The following MLLT10 variants were observed in gnomAD, a reference collection of about 807,000 sequenced individuals.
MLLT10 encodes MLLT10 histone lysine methyltransferase DOT1L cofactor, also known as protein AF-10.
MLLT10 carries 30 observed loss-of-function variants against 129.1 expected under a neutral mutation model. The ratio of observed to expected loss-of-function variants is 0.23; its 90% confidence interval spans 0.17 to 0.32. MLLT10 has a LOEUF of 0.32. Among genes scored for constraint, MLLT10 ranks in the 10% least tolerant of loss-of-function variants. MLLT10 has a pLI of 1.00. For missense variants in MLLT10, 1,119 were observed against 1,268.3 expected, an observed-to-expected ratio of 0.88 and a Z score of 1.79; for synonymous variants, 490 against 446.4, an observed-to-expected ratio of 1.10 and a Z score of -1.23.
chr10:21,644,943 A>G (rs1378071897), intron 8 of MLLT10, among the ~76,000 whole-genome samples: 1 of 152,102 alleles, frequency 6.6e-6, no homozygotes, highest in Admixed American at 6.6e-5. Flanking sequence ...CTAGGATTTT[A>G]TGTAGTTAGT....
chr10:21,700,843 T>C (rs943284292), intron 13 of MLLT10, among the ~76,000 whole-genome samples: 3 of 152,172 alleles, frequency 2.0e-5, no homozygotes, highest in Non-Finnish European at 2.9e-5. Flanking sequence ...CAGGGCCTTG[T>C]AGAATGAGTT....
At chr10:21,726,046 C>T (rs185621748) in intron 14 of MLLT10, among the ~76,000 whole-genome samples, 198 bp from the exon 15 acceptor site, 32 of 152,156 alleles carry the variant, frequency 2.1e-4, no homozygotes, top group Admixed American at 1.2e-3. Flanking sequence ...CCACCGCGCC[C>T]GGCCTAGTTA....
chr10:21,696,547 G>A (rs1239303141), intron 13 of MLLT10, among the ~76,000 whole-genome samples: 1 of 152,138 alleles, frequency 6.6e-6, no homozygotes, highest in Non-Finnish European at 1.5e-5. Context: ...CTTCATCTTA[G>A]ATGACCTTTA....
chr10:21,582,146 G>T (rs2041528233), intron 3 of MLLT10, among the ~76,000 whole-genome samples: 1 of 151,378 alleles, frequency 6.6e-6, no homozygotes, highest in Non-Finnish European at 1.5e-5. Flanking sequence ...TTTTGAGGTG[G>T]AGTCTCTTTC....
intron 3 of MLLT10, among the ~76,000 whole-genome samples, chr10:21,578,385 G>A (rs998328986): frequency 2.0e-5 from 3 of 152,140 alleles, no homozygotes; most frequent in Admixed American, 1.3e-4. Context: ...TGTCAGACAT[G>A]CGACTTGTAG....
chr10:21,612,449 A>G lies in MLLT10; in HGVS notation c.507A>G (p.Thr169=). 2 of 1,599,136 alleles carry G rather than the reference A, an allele frequency of 1.3e-6. No homozygotes were observed. The highest frequency in any genetic ancestry group is 1.7e-6 in the Non-Finnish European group (2 of 1,168,344). ...KHGCRQAFHV[T]CAQFAGLLCE... is the part of the protein sequence containing the mutation. Reference sequence around the variant, plus strand: ...GATGTCGACAGGCTTTCCATGTAACATGGTAAGGATGTTTCCATTGTTGCA... The same window carrying G: ...GATGTCGACAGGCTTTCCATGTAACGTGGTAAGGATGTTTCCATTGTTGCA... The change falls in exon 6 of 23, where the codon ACA becomes ACG. Residue 169 remains threonine, a splice_region_variant and synonymous_variant. Coordinates refer to ENST00000307729, the MANE Select transcript of MLLT10 (RefSeq NM_001195626.3).
At chr10:21,636,364 CCTT>C (rs1218240138) in intron 8 of MLLT10, among the ~76,000 whole-genome samples, 1 of 152,124 alleles carries the variant, frequency 6.6e-6, no homozygotes, top group Non-Finnish European at 1.5e-5. Context: ...CTCAAGCTAT[CCTT>C]CTCCCACCTT....
intron 3 of MLLT10, among the ~76,000 whole-genome samples, chr10:21,566,258 T>C (rs1473348072): frequency 2.0e-5 from 3 of 148,762 alleles, no homozygotes; most frequent in Non-Finnish European, 3.0e-5. Flanking sequence ...CCTAGCCAGT[T>C]TTTGTCTTTT....
chr10:21,561,957 C>T (rs1025145762), intron 3 of MLLT10, among the ~76,000 whole-genome samples: 1 of 152,034 alleles, frequency 6.6e-6, no homozygotes, highest in African/African-American at 2.4e-5. Flanking sequence ...AGGCATGCCC[C>T]ACCACGCTCA....
chr10:21,624,127 TAGGTTATTTTC>T (rs2046182617), intron 8 of MLLT10, among the ~76,000 whole-genome samples: 3 of 152,202 alleles, frequency 2.0e-5, no homozygotes, highest in Admixed American at 2.0e-4. Context: ...CATACGATCA[TAGGTTATTTTC>T]AGTATAAGAA....
Position 21,703,069 on chromosome 10 carries a change from TG to T in MLLT10, c.1700-10702del, listed in dbSNP as rs1391720461. Among the ~76,000 whole-genome samples, 8 of 152,286 alleles carry T rather than the reference TG, an allele frequency of 5.3e-5. No individual in the cohort carries two copies. In the East Asian group the frequency reaches 1.3e-3, roughly 26 times the overall value. On this transcript the variant is annotated intron_variant, in intron 13 of 22. Coordinates refer to ENST00000307729, the MANE Select transcript of MLLT10 (RefSeq NM_001195626.3). ...GAGTCCTTTCTCTTTCTTCTTACTT[TG>T]TGTATTTGCTTTACTCCAGTGAGTT...
At chr10:21,564,350 A>C (rs951516517) in intron 3 of MLLT10, 1 of 152,158 alleles carries the variant, frequency 6.6e-6, no homozygotes, top group Non-Finnish European at 1.5e-5. Context: ...CTGGTCTCCT[A>C]AAGTGCTGGG....
At chr10:21,564,822 C>CT (rs1179107121) in intron 3 of MLLT10, among the ~76,000 whole-genome samples, 3 of 139,354 alleles carry the variant, frequency 2.2e-5, no homozygotes, top group African/African-American at 8.3e-5. Flanking sequence ...GAAACTCCAT[C>CT]TCAAAAAAAA....
At chr10:21,626,552 A>T (rs2046460735) in intron 8 of MLLT10, among the ~76,000 whole-genome samples, 1 of 152,052 alleles carries the variant, frequency 6.6e-6, no homozygotes, top group African/African-American at 2.4e-5. Context: ...CGTAACCCAA[A>T]CGCCTTTTAA....
intron 4 of MLLT10, among the ~76,000 whole-genome samples, chr10:21,589,614 A>T (rs1395379601): frequency 6.6e-6 from 1 of 152,064 alleles, no homozygotes. Context: ...ATCCTCTGAA[A>T]CTTTTAGGAT....
rs1342942230 is a variant in MLLT10, at chr10:21,673,603, T to C, written c.1305T>C (p.Asn435=). Residue 435 remains asparagine, a synonymous_variant, in exon 11 of 23, where the codon AAT becomes AAC. Transcript: ENST00000307729. ...CTTCACAGCCTAAAAGCTTTGAAAA[T>C]TCACCTGGAGATTTGGGTAATTCCA... The part of the protein sequence containing the change: ...AVTSQPKSFE[N]SPGDLGNSSL... 6.2e-7 allele frequency: 1 copy of C among 1,613,378 alleles called. No homozygotes were observed. The highest frequency in any genetic ancestry group is 1.7e-5 in the Admixed American group (1 of 59,850).
intron 14 of MLLT10, among the ~76,000 whole-genome samples, chr10:21,718,846 C>T (rs1033508617): frequency 2.6e-5 from 4 of 152,170 alleles, no homozygotes; most frequent in Non-Finnish European, 2.9e-5. Flanking sequence ...GCCTCAGCCT[C>T]CTGAGTACCT....
At chr10:21,588,248 G>A (rs1269435790) in intron 4 of MLLT10, among the ~76,000 whole-genome samples, 1 of 151,934 alleles carries the variant, frequency 6.6e-6, no homozygotes, top group Non-Finnish European at 1.5e-5. Context: ...TATATTTTTA[G>A]TAGAGATGGG....
intron 3 of MLLT10, among the ~76,000 whole-genome samples, chr10:21,540,879 G>T (rs1400573378): frequency 6.6e-6 from 1 of 152,148 alleles, no homozygotes; most frequent in Non-Finnish European, 1.5e-5. Flanking sequence ...GAAATAATGG[G>T]CTGGGTGCTG....
Sources: gnomAD v4.1 joint callset for allele counts (sites outside exome capture counted in the v4.1 genomes callset) on GRCh38, gnomAD v4.1.1 for gene constraint, MANE v1.5 for transcripts, NCBI Gene and HGNC (gene_info 2026-07-23, HGNC 2026-07-21) for gene names.